RBFOX1: variants seen among roughly 807,000 people sequenced by gnomAD.
RBFOX1 encodes RNA binding fox-1 homolog 1, also known as RNA binding protein fox-1 homolog 1.
Under a neutral mutation model 57.7 loss-of-function variants are expected in RBFOX1, and 8 were observed. That is an observed-to-expected ratio of 0.14 (90% CI 0.08 to 0.25). The LOEUF (loss-of-function observed/expected upper bound fraction) is 0.25. RBFOX1 is among the 10% of genes least tolerant of loss of function. The probability of loss-of-function intolerance (pLI) is 1.00; values close to 1 mark genes in which losing one functional copy is unlikely to be tolerated. For synonymous variants in RBFOX1, 326 were observed against 222.4 expected (o/e 1.47, Z -4.15); for missense variants, 611 against 548.5 (o/e 1.11, Z -1.14).
At chr16:6,197,633 CT>C (rs35116781) in intron 1 of RBFOX1, among the ~76,000 whole-genome samples, 320 of 144,542 alleles carry the variant, frequency 2.2e-3, no homozygotes, top group East Asian at 9.3e-3. Flanking sequence ...CAATGAGTTT[CT>C]TTTTTTTTTT....
At chr16:6,436,920 C>T (rs1441882939) in intron 2 of RBFOX1, among the ~76,000 whole-genome samples, 2 of 152,142 alleles carry the variant, frequency 1.3e-5, no homozygotes, top group Admixed American at 6.5e-5. Context: ...TATAAATTTT[C>T]TCTCCAGTCG....
At chr16:6,420,597 C>T (rs1425020432) in intron 2 of RBFOX1, among the ~76,000 whole-genome samples, 3 of 152,130 alleles carry the variant, frequency 2.0e-5, no homozygotes, top group African/African-American at 7.2e-5. Flanking sequence ...AGGATGGGCC[C>T]TATTACAGAT....
At chr16:7,160,451 T>C (rs1303957466) in intron 4 of RBFOX1, among the ~76,000 whole-genome samples, 1 of 152,188 alleles carries the variant, frequency 6.6e-6, no homozygotes, top group Non-Finnish European at 1.5e-5. Flanking sequence ...CACAAAATAA[T>C]GTACATTAAA....
intron 1 of RBFOX1, among the ~76,000 whole-genome samples, chr16:6,279,733 T>C (rs1382371399): frequency 6.6e-6 from 1 of 152,184 alleles, no homozygotes; most frequent in Non-Finnish European, 1.5e-5. Context: ...GTTTTATTTA[T>C]CTGAATTTTC....
At chr16:7,242,258 C>T (rs536993644) in intron 4 of RBFOX1, among the ~76,000 whole-genome samples, 28 of 152,220 alleles carry the variant, frequency 1.8e-4, no homozygotes, top group African/African-American at 6.0e-4. Flanking sequence ...ACTGAAAATT[C>T]AGAGACAGGG....
intron 4 of RBFOX1, among the ~76,000 whole-genome samples, chr16:5,907,790 G>T (rs187019133): frequency 8.3e-4 from 125 of 151,466 alleles, no homozygotes; most frequent in Admixed American, 4.6e-3. Context: ...TTTCTCTATT[G>T]CCCAGGCTGG....
At chr16:5,888,139 T>C (rs1315499496) in intron 4 of RBFOX1, among the ~76,000 whole-genome samples, 1 of 152,196 alleles carries the variant, frequency 6.6e-6, no homozygotes, top group Admixed American at 6.5e-5. Flanking sequence ...CCCAGCTTTG[T>C]GACTTTCTCA....
At chr16:6,010,658 C>A (rs1000032804) in intron 4 of RBFOX1, among the ~76,000 whole-genome samples, 1 of 152,152 alleles carries the variant, frequency 6.6e-6, no homozygotes, top group African/African-American at 2.4e-5. Context: ...TGTAGAAGAA[C>A]CCTATCAGAG....
intron 4 of RBFOX1, among the ~76,000 whole-genome samples, chr16:7,213,378 C>T (rs1419833756): frequency 6.6e-6 from 1 of 152,160 alleles, no homozygotes. Context: ...ATCAGTATTT[C>T]TTTAAGTTCC....
At chr16:5,895,145 A>G (rs566154737) in intron 4 of RBFOX1, among the ~76,000 whole-genome samples, 1 of 152,376 alleles carries the variant, frequency 6.6e-6, no homozygotes, top group African/African-American at 2.4e-5. Flanking sequence ...CCATGTCTTC[A>G]ACCATAAGAT....
intron 1 of RBFOX1, among the ~76,000 whole-genome samples, chr16:6,179,735 A>G (rs1267347435): frequency 1.3e-5 from 2 of 152,210 alleles, no homozygotes. Context: ...TATTGGTATA[A>G]GGAAAATTAG....
chr16:7,531,767 G>A (rs1012740131), intron 5 of RBFOX1, among the ~76,000 whole-genome samples: 1 of 152,168 alleles, frequency 6.6e-6, no homozygotes, highest in African/African-American at 2.4e-5. Context: ...TTACCTAAAT[G>A]ACATTCCCTG....
intron 4 of RBFOX1, among the ~76,000 whole-genome samples, chr16:7,269,464 C>CAG (rs150381480): frequency 4.0e-5 from 6 of 150,208 alleles, no homozygotes; most frequent in Non-Finnish European, 5.9e-5. Flanking sequence ...GTTTGTGGGA[C>CAG]AGAGAGAGAG....
intron 2 of RBFOX1, among the ~76,000 whole-genome samples, chr16:6,392,145 G>A (rs577909793): frequency 6.6e-6 from 1 of 152,322 alleles, no homozygotes; most frequent in South Asian, 2.1e-4. Flanking sequence ...GGAAACTGGG[G>A]TGAATGTCCT....
intron 3 of RBFOX1, among the ~76,000 whole-genome samples, chr16:6,736,168 T>G (rs1333773291): frequency 6.6e-6 from 1 of 152,126 alleles, no homozygotes. Flanking sequence ...TTATTTTATT[T>G]TATTAATTTT....
chr16:6,392,606 C>G (rs2092654241), intron 2 of RBFOX1, among the ~76,000 whole-genome samples: 3 of 152,340 alleles, frequency 2.0e-5, no homozygotes, highest in Middle Eastern at 3.4e-3. Context: ...TCCCTTTGCT[C>G]TCCTCCGCAC....
chr16:5,658,632 C>G (rs1403279194), intron 3 of RBFOX1, among the ~76,000 whole-genome samples: 1 of 151,878 alleles, frequency 6.6e-6, no homozygotes, highest in Non-Finnish European at 1.5e-5. Context: ...TGAGTTACTT[C>G]CCTTAGAATA....
At chr16:5,570,626 G>A (rs2046249311) in intron 2 of RBFOX1, among the ~76,000 whole-genome samples, 1 of 152,098 alleles carries the variant, frequency 6.6e-6, no homozygotes, top group Non-Finnish European at 1.5e-5. Flanking sequence ...GATCACCTGA[G>A]GTCAGGAGTT....
chr16:5,939,272 C>T (rs1232785035), intron 4 of RBFOX1, among the ~76,000 whole-genome samples: 1 of 152,158 alleles, frequency 6.6e-6, no homozygotes, highest in Non-Finnish European at 1.5e-5. Flanking sequence ...ATGTAATTGT[C>T]TAATAAATCA....
Sources: allele counts gnomAD v4.1 joint callset (sites outside exome capture counted in the v4.1 genomes callset), GRCh38; gene constraint gnomAD v4.1.1; transcripts MANE v1.5; gene names NCBI Gene and HGNC (gene_info 2026-07-23, HGNC 2026-07-21).